SLC4A4: variants seen among roughly 807,000 people sequenced by gnomAD.
SLC4A4 encodes solute carrier family 4 member 4, also known as electrogenic sodium bicarbonate cotransporter 1.
Under a neutral mutation model 111.5 loss-of-function variants are expected in SLC4A4, and 27 were observed. The observed-to-expected ratio is 0.24, with a 90% confidence interval of 0.18 to 0.33. The LOEUF (loss-of-function observed/expected upper bound fraction) is 0.33. Among genes scored for constraint, SLC4A4 ranks in the 10% least tolerant of loss-of-function variants. SLC4A4 has a pLI of 1.00. For missense variants in SLC4A4, 909 were observed against 1,315.5 expected, an observed-to-expected ratio of 0.69 and a Z score of 4.78; for synonymous variants, 443 against 463.4, an observed-to-expected ratio of 0.96 and a Z score of 0.57.
At chr4:71,069,628 A>G (rs1578449430) in intron 1 of SLC4A4, among the ~76,000 whole-genome samples, 1 of 152,162 alleles carries the variant, frequency 6.6e-6, no homozygotes, top group Admixed American at 6.5e-5. Context: ...GAGATCATGG[A>G]CACCGAAAAG....
intron 2 of SLC4A4, among the ~76,000 whole-genome samples, chr4:71,250,431 T>A (rs751246146): frequency 6.6e-6 from 1 of 152,128 alleles, no homozygotes; most frequent in Non-Finnish European, 1.5e-5. Flanking sequence ...TAATTAGAGA[T>A]GTATGTAAGA....
rs150680152 is a variant in SLC4A4, at chr4:71,236,140, A to T, written c.-1-436A>T. On this transcript the variant is annotated intron_variant, in intron 1 of 25. Transcript: ENST00000264485. ...GTGTGTGTGTGAGGGTATACATTTTATGCAGTGGGTGTTTAAAGAGCTAAG... is the reference window on the plus strand; with the variant it reads ...GTGTGTGTGTGAGGGTATACATTTTTTGCAGTGGGTGTTTAAAGAGCTAAG... 1.8e-4 allele frequency: 190 copies of T among 1,046,032 alleles called. No homozygotes were observed. The East Asian group carries it at 0.012, about 64-fold the overall frequency. The allele number at this position is 1,046,032 out of a possible 1,614,324, so 64.8% of individuals were successfully genotyped here.
intron 3 of SLC4A4, among the ~76,000 whole-genome samples, chr4:71,290,672 G>A (rs535863349): frequency 2.0e-5 from 3 of 152,128 alleles, no homozygotes; most frequent in Admixed American, 6.6e-5. Context: ...ATATTTCAAG[G>A]GAAATGGTGA....
intron 3 of SLC4A4, among the ~76,000 whole-genome samples, chr4:71,316,446 A>G (rs1367923369): frequency 6.6e-6 from 1 of 152,132 alleles, no homozygotes; most frequent in Non-Finnish European, 1.5e-5. Context: ...ATATTTCACC[A>G]TGGTGGAGAT....
At position 71,177,128 on chromosome 4, in the gene SLC4A4, T is replaced by C. The variant is rs183371532; in HGVS notation, c.-1-59448T>C. On this transcript the variant is annotated intron_variant, in intron 2 of 26. Transcript: ENST00000649996. Reference sequence around the variant, plus strand: ...AAATCCTTTACAGACAAGCAGATACTGAGAGATTTTGTCACCACCAGGCCT... The same window carrying C: ...AAATCCTTTACAGACAAGCAGATACCGAGAGATTTTGTCACCACCAGGCCT... 2.0e-5 allele frequency among the ~76,000 whole-genome samples: 3 copies of C among 152,246 alleles called. No individual in the cohort carries two copies. In the East Asian group the frequency reaches 5.8e-4, roughly 29 times the overall value.
intron 18 of SLC4A4, among the ~76,000 whole-genome samples, chr4:71,545,908 C>T (rs574721417): frequency 1.8e-4 from 28 of 152,094 alleles, no homozygotes; most frequent in African/African-American, 4.8e-4. Context: ...CCACTACTGC[C>T]GCTATCACCA....
chr4:71,170,413 T>C (rs535287697), intron 2 of SLC4A4, among the ~76,000 whole-genome samples: 1 of 152,318 alleles, frequency 6.6e-6, no homozygotes, highest in Non-Finnish European at 1.5e-5. Flanking sequence ...TAATTTCTCA[T>C]GAAAACTTAC....
At position 71,068,311 on chromosome 4, in the gene SLC4A4, C is replaced by T. The variant is rs191826626; in HGVS notation, c.-65+5523C>T. The stretch of plus-strand genomic sequence containing the variant: ...AACTCCTGACCTCAGATGATCTGCC[C>T]GCCTTGGCTTCCCAAAGTGTTGGGA... On this transcript the variant is annotated intron_variant, in intron 1 of 26. Transcript: ENST00000649996. Among the ~76,000 whole-genome samples, 1,145 of 151,724 alleles carry T rather than the reference C, an allele frequency of 7.5e-3. 11 individuals are homozygous for T. Among genetic ancestry groups the T allele is most frequent in the Middle Eastern group, 0.014 (4 of 290 alleles).
chr4:71,477,728 G>A (rs1728497595), intron 14 of SLC4A4, among the ~76,000 whole-genome samples: 1 of 151,684 alleles, frequency 6.6e-6, no homozygotes, highest in Admixed American at 6.6e-5. Flanking sequence ...AAAAGAACAT[G>A]GGCATCCCCC....
In SLC4A4 at chr4:71,545,772, C is replaced by T. The variant is rs185776096; in HGVS notation, c.2443-578C>T. ...CTACATACCTTCTCAATCTTGCTTT[C>T]GGATCCTTACATAAGTTGAGTACTG... On this transcript the variant is annotated intron_variant, in intron 18 of 25. Transcript: ENST00000264485. Among the ~76,000 whole-genome samples, 48 of 152,084 alleles carry T rather than the reference C, an allele frequency of 3.2e-4. No homozygotes were observed. The East Asian group carries it at 6.4e-3, about 20-fold the overall frequency.
At chr4:71,439,672 A>G (rs575583536) in intron 7 of SLC4A4, among the ~76,000 whole-genome samples, 2 of 151,464 alleles carry the variant, frequency 1.3e-5, no homozygotes, top group African/African-American at 4.9e-5. Context: ...CTATTCCTAT[A>G]CAAATTAGGG....
chr4:71,072,560 C>CT (rs145944221), intron 1 of SLC4A4, among the ~76,000 whole-genome samples: 30 of 150,806 alleles, frequency 2.0e-4, no homozygotes, highest in East Asian at 3.9e-4. Context: ...AGCCTTATGG[C>CT]TTTTTTTTTC....
At chr4:71,258,660 A>G (rs1310475451) in intron 3 of SLC4A4, among the ~76,000 whole-genome samples, 2 of 152,224 alleles carry the variant, frequency 1.3e-5, no homozygotes, top group East Asian at 1.9e-4. Flanking sequence ...TATATCCTAG[A>G]TAGAGATCCA....
intron 1 of SLC4A4, among the ~76,000 whole-genome samples, chr4:71,090,618 G>C (rs1197512801): frequency 1.1e-4 from 17 of 152,178 alleles, no homozygotes; most frequent in Non-Finnish European, 1.8e-4. Flanking sequence ...TTCATTCTTA[G>C]AAAAACTGTT....
At chr4:71,527,696 T>G (rs1436947959) in intron 16 of SLC4A4, among the ~76,000 whole-genome samples, 1 of 146,368 alleles carries the variant, frequency 6.8e-6, no homozygotes, top group Admixed American at 6.8e-5. Context: ...TCCTCTTTAT[T>G]AAAAAAAAAA....
rs3775162 is a variant in SLC4A4 at position 71,531,993 on chromosome 4, C to T, written c.2167-69C>T. 595,127 of 894,374 alleles carry T rather than the reference C, an allele frequency of 0.67. 217,144 individuals carry two copies. The highest frequency in any genetic ancestry group is 0.77 in the Non-Finnish European group (416,862 of 538,428). The allele number at this position is 894,374 out of a possible 1,614,324, so 55.4% of individuals were successfully genotyped here. ...ATTAGCAAATACAAAGTTCTTCATT[C>T]AGTTCAAACACAGACAAATATATGT... On this transcript the variant is annotated intron_variant, in intron 16 of 25. Transcript: ENST00000264485.
chr4:71,102,821 A>G (rs1272907166), intron 2 of SLC4A4, among the ~76,000 whole-genome samples: 2 of 152,004 alleles, frequency 1.3e-5, no homozygotes, highest in African/African-American at 4.8e-5. Context: ...AAATCATGCC[A>G]AAATGTAAAG....
intron 4 of SLC4A4, among the ~76,000 whole-genome samples, chr4:71,345,028 A>G (rs1288304732): frequency 3.3e-5 from 5 of 152,160 alleles, no homozygotes; most frequent in Non-Finnish European, 7.4e-5. Context: ...TCTCAACTCT[A>G]TCACCATCCC....
chr4:71,462,267 C>G (rs531617509), intron 12 of SLC4A4, among the ~76,000 whole-genome samples: 1 of 152,036 alleles, frequency 6.6e-6, no homozygotes, highest in Non-Finnish European at 1.5e-5. Context: ...ATTGATTTTA[C>G]AGAAGAGAAG....
Sources: gnomAD v4.1 joint callset for allele counts (sites outside exome capture counted in the v4.1 genomes callset) on GRCh38, gnomAD v4.1.1 for gene constraint, MANE v1.5 for transcripts, NCBI Gene and HGNC (gene_info 2026-07-23, HGNC 2026-07-21) for gene names.